The following AFG2B variants were observed in gnomAD, a reference collection of about 807,000 sequenced individuals.
AFG2B encodes AAA ATPase AFG2B.
At chr15:45,410,507 G>T in the AFG2B span, 1 of 1,609,204 alleles carries the variant, frequency 6.2e-7, no homozygotes. Context: ...TGGCCTTGAA[G>T]ATGTAAAACT....
chr15:45,406,753 A>C, the AFG2B span, among the ~76,000 whole-genome samples: 1 of 152,350 alleles, frequency 6.6e-6, no homozygotes, highest in Admixed American at 6.5e-5. Flanking sequence ...AGAATGATTT[A>C]TTATCCTAAA....
the AFG2B span, among the ~76,000 whole-genome samples, chr15:45,412,833 C>A: frequency 2.0e-5 from 3 of 152,296 alleles, no homozygotes; most frequent in East Asian, 5.8e-4. Flanking sequence ...GGACGCAACT[C>A]TTCAGATCCT....
At chr15:45,417,599 G>T in the AFG2B span, 15 of 502,562 alleles carry the variant, frequency 3.0e-5, no homozygotes, top group Non-Finnish European at 4.8e-5. Context: ...AATATATGGT[G>T]GTTATTTTTT....
the AFG2B span, chr15:45,421,198 G>A: frequency 1.3e-6 from 2 of 1,599,800 alleles, no homozygotes; most frequent in Non-Finnish European, 1.7e-6. Flanking sequence ...TTTCTAACGT[G>A]GAAGGTATTT....
the AFG2B span, chr15:45,410,276 C>A: frequency 7.3e-7 from 1 of 1,377,970 alleles, no homozygotes; most frequent in Non-Finnish European, 1.0e-6. Context: ...AATAACTTTA[C>A]AAATCCAAAA....
chr15:45,405,287 C>T, the AFG2B span: 1 of 1,583,804 alleles, frequency 6.3e-7, no homozygotes, highest in Non-Finnish European at 8.6e-7. Flanking sequence ...CTATATACTT[C>T]TTCTTCTTTT....
chr15:45,410,482 C>G, the AFG2B span: 5 of 1,612,526 alleles, frequency 3.1e-6, no homozygotes, highest in Non-Finnish European at 4.2e-6. Context: ...AGCCTGTTGA[C>G]TGGGAGGAGA....
At chr15:45,419,404 G>A in the AFG2B span, among the ~76,000 whole-genome samples, 1 of 151,844 alleles carries the variant, frequency 6.6e-6, no homozygotes, top group Non-Finnish European at 1.5e-5. Context: ...GAAGGTTGCA[G>A]TAAGATGAGA....
the AFG2B span, among the ~76,000 whole-genome samples, chr15:45,413,066 T>C: frequency 3.0e-4 from 45 of 152,236 alleles, no homozygotes; most frequent in African/African-American, 1.1e-3. Context: ...TTTTATGCAT[T>C]GTCTCATTTA....
At chr15:45,412,083 A>C in the AFG2B span, among the ~76,000 whole-genome samples, 1 of 149,398 alleles carries the variant, frequency 6.7e-6, no homozygotes, top group African/African-American at 2.5e-5. Flanking sequence ...GAGCAACAAA[A>C]GTGAAACTCC....
chr15:45,408,410 A>G, the AFG2B span, among the ~76,000 whole-genome samples: 2 of 152,098 alleles, frequency 1.3e-5, no homozygotes. Context: ...TTATATGCAC[A>G]TAGTATTTAT....
chr15:45,421,078 C>A, the AFG2B span: 1 of 1,612,638 alleles, frequency 6.2e-7, no homozygotes, highest in South Asian at 1.1e-5. Flanking sequence ...ATGGACTAGA[C>A]GCAACTACAG....
chr15:45,417,151 T>A, the AFG2B span: 1 of 1,271,742 alleles, frequency 7.9e-7, no homozygotes, highest in East Asian at 2.4e-5. Flanking sequence ...ATATAAGCAT[T>A]CTGGTCCCAA....
chr15:45,414,890 A>G, the AFG2B span: 2 of 960,010 alleles, frequency 2.1e-6, no homozygotes, highest in East Asian at 2.6e-5. Flanking sequence ...TAAAAAATTT[A>G]TACGTTTATT....
chr15:45,415,899 CATAGAAGGATTTAT>C, the AFG2B span: 1 of 923,166 alleles, frequency 1.1e-6, no homozygotes, highest in African/African-American at 1.7e-5. Context: ...GAATTCATCT[CATAGAAGGATTTAT>C]ATAATTTCAG....
chr15:45,420,001 A>ACCCCCCCCC, the AFG2B span, among the ~76,000 whole-genome samples: 4 of 84,652 alleles, frequency 4.7e-5, no homozygotes, highest in Non-Finnish European at 4.6e-5. Context: ...CCCCCCCAAA[A>ACCCCCCCCC]AAAAAAAAAA....
chr15:45,405,744 C>A, the AFG2B span, among the ~76,000 whole-genome samples: 3 of 152,250 alleles, frequency 2.0e-5, no homozygotes, highest in South Asian at 6.2e-4. Flanking sequence ...TAGTAACTCC[C>A]TAGTGCTGAA....
the AFG2B span, chr15:45,415,771 G>T: frequency 6.2e-7 from 1 of 1,613,468 alleles, no homozygotes; most frequent in Non-Finnish European, 8.5e-7. Context: ...AGTAAATCAA[G>T]TCAACAGGGT....
chr15:45,416,535 G>C, the AFG2B span, among the ~76,000 whole-genome samples: 2 of 152,020 alleles, frequency 1.3e-5, no homozygotes, highest in Admixed American at 6.6e-5. Context: ...CACTCCTTAG[G>C]AATATGTCAC....
Sources: allele counts gnomAD v4.1 joint callset (sites outside exome capture counted in the v4.1 genomes callset), GRCh38; gene constraint gnomAD v4.1.1; transcripts MANE v1.5; gene names NCBI Gene and HGNC (gene_info 2026-07-23, HGNC 2026-07-21).